The following AKAP19 variants were observed in gnomAD, a reference collection of about 807,000 sequenced individuals.
AKAP19 encodes small A-kinase anchoring protein.
chr2:190,064,858 G>A, the AKAP19 span, among the ~76,000 whole-genome samples: 13 of 152,242 alleles, frequency 8.5e-5, no homozygotes, highest in African/African-American at 3.1e-4. Context: ...GGAAAAAAGT[G>A]AACAAAGGTT....
At chr2:190,112,265 T>G in the AKAP19 span, among the ~76,000 whole-genome samples, 2 of 152,334 alleles carry the variant, frequency 1.3e-5, no homozygotes, top group Admixed American at 1.3e-4. Context: ...TGTTGATTTA[T>G]GTAGGGAGAC....
the AKAP19 span, among the ~76,000 whole-genome samples, chr2:190,113,508 A>G: frequency 6.6e-6 from 1 of 152,170 alleles, no homozygotes; most frequent in Non-Finnish European, 1.5e-5. Context: ...CAACTGCACT[A>G]TGGATCTCTA....
chr2:190,037,233 G>A, the AKAP19 span, among the ~76,000 whole-genome samples: 6 of 152,148 alleles, frequency 3.9e-5, no homozygotes, highest in African/African-American at 1.2e-4. Context: ...ACCCAGAATA[G>A]GTAATGAACA....
chr2:189,988,604 A>G, the AKAP19 span, among the ~76,000 whole-genome samples: 14 of 152,332 alleles, frequency 9.2e-5, no homozygotes, highest in African/African-American at 3.1e-4. Context: ...TGGACTTTGG[A>G]CTACATGGAA....
At chr2:190,177,405 T>A in the AKAP19 span, among the ~76,000 whole-genome samples, 2 of 152,186 alleles carry the variant, frequency 1.3e-5, no homozygotes, top group Non-Finnish European at 2.9e-5. This position sits in a 1 kb window ranked among gnomAD's most constrained non-coding sequence, Gnocchi z 4.6. Context: ...ACCACTTCAT[T>A]ATCAGAAAAC....
At chr2:189,987,504 T>C in the AKAP19 span, among the ~76,000 whole-genome samples, 7 of 152,204 alleles carry the variant, frequency 4.6e-5, no homozygotes, top group African/African-American at 1.7e-4. Context: ...AAAGCAACCC[T>C]CAGCCTCCCA....
At chr2:190,116,331 C>T in the AKAP19 span, among the ~76,000 whole-genome samples, 1 of 152,116 alleles carries the variant, frequency 6.6e-6, no homozygotes, top group Non-Finnish European at 1.5e-5. Context: ...TGCCAGAAAG[C>T]AAAGGGGCAA....
the AKAP19 span, among the ~76,000 whole-genome samples, chr2:189,912,628 A>G: frequency 1.3e-5 from 2 of 152,168 alleles, no homozygotes. Context: ...GTTTATATAA[A>G]CAACTCAAAT....
At chr2:190,062,656 T>C in the AKAP19 span, 1 of 1,560,600 alleles carries the variant, frequency 6.4e-7, no homozygotes, top group Non-Finnish European at 8.7e-7. Flanking sequence ...ACTTTTCTTT[T>C]GCTTTTGAGT....
chr2:190,086,964 C>G, the AKAP19 span, among the ~76,000 whole-genome samples: 1 of 152,068 alleles, frequency 6.6e-6, no homozygotes, highest in Non-Finnish European at 1.5e-5. Flanking sequence ...TCTAGTGTTT[C>G]CTGGAAAAAG....
chr2:189,953,645 A>C, the AKAP19 span, among the ~76,000 whole-genome samples: 2 of 151,726 alleles, frequency 1.3e-5, no homozygotes, highest in Non-Finnish European at 2.9e-5. Flanking sequence ...AAAAAAAAAA[A>C]AAAAAAAAAA....
At chr2:189,952,740 T>G in the AKAP19 span, among the ~76,000 whole-genome samples, 1 of 152,038 alleles carries the variant, frequency 6.6e-6, no homozygotes, top group Non-Finnish European at 1.5e-5. Context: ...ACGTATCCTT[T>G]TAAGAACTTC....
At chr2:189,950,032 T>TTTTG in the AKAP19 span, among the ~76,000 whole-genome samples, 1 of 141,704 alleles carries the variant, frequency 7.1e-6, no homozygotes, top group African/African-American at 2.6e-5. Flanking sequence ...TTTTGGGTTT[T>TTTTG]TTTTTTTTTT....
At chr2:190,032,302 T>C in the AKAP19 span, among the ~76,000 whole-genome samples, 1 of 152,132 alleles carries the variant, frequency 6.6e-6, no homozygotes, top group South Asian at 2.1e-4. Context: ...ATACTTAGGA[T>C]TGGGAGTACT....
At chr2:190,182,145 C>T in the AKAP19 span, among the ~76,000 whole-genome samples, 1 of 152,214 alleles carries the variant, frequency 6.6e-6, no homozygotes, top group Non-Finnish European at 1.5e-5. Context: ...TTTGATTGAA[C>T]ACTTCAGTGA....
chr2:190,153,097 G>T, the AKAP19 span, among the ~76,000 whole-genome samples: 1 of 152,064 alleles, frequency 6.6e-6, no homozygotes, highest in African/African-American at 2.4e-5. Context: ...GGGTTTCACC[G>T]TGTTAGCTAG....
chr2:190,088,239 T>C, the AKAP19 span, among the ~76,000 whole-genome samples: 4 of 152,138 alleles, frequency 2.6e-5, no homozygotes, highest in African/African-American at 9.7e-5. Context: ...GATCGTGATA[T>C]GTCTGGGGAC....
chr2:190,094,747 T>C, the AKAP19 span, among the ~76,000 whole-genome samples: 2 of 152,250 alleles, frequency 1.3e-5, no homozygotes, highest in Non-Finnish European at 2.9e-5. Flanking sequence ...TAGCATTATA[T>C]CCAAGTCATG....
chr2:189,940,595 AACACT>A, the AKAP19 span, among the ~76,000 whole-genome samples: 1 of 152,138 alleles, frequency 6.6e-6, no homozygotes, highest in African/African-American at 2.4e-5. Flanking sequence ...TTCAAAAAAA[AACACT>A]CACAGGAAAT....
Sources: allele counts gnomAD v4.1 joint callset (sites outside exome capture counted in the v4.1 genomes callset), GRCh38; gene constraint gnomAD v4.1.1; non-coding constraint Gnocchi (gnomAD v3.1); transcripts MANE v1.5; gene names NCBI Gene and HGNC (gene_info 2026-07-23, HGNC 2026-07-21).